The following SMO variants were observed in gnomAD, a reference collection of about 807,000 sequenced individuals.
SMO encodes protein smoothened.
In SMO, 40 loss-of-function variants were observed where a neutral mutation model predicts 81.6. The observed-to-expected ratio is 0.49, with a 90% CI of 0.38 to 0.64. The LOEUF is 0.64. Ranked by LOEUF, SMO falls within the 30% of genes least tolerant of loss-of-function variation. The probability of loss-of-function intolerance (pLI) is 0.00; values close to 1 mark genes in which losing one functional copy is unlikely to be tolerated. For missense variants in SMO, 916 were observed against 1,061.1 expected (o/e 0.86, Z 1.90); for synonymous variants, 434 against 432.1 (o/e 1.00, Z -0.05).
rs2150648912 is a variant in SMO at position 129,205,592 on chromosome 7, C to A, written c.748-18C>A. On this transcript the variant is annotated intron_variant, in intron 3 of 11. Coordinates refer to ENST00000249373, the MANE Select transcript of SMO (RefSeq NM_005631.5). ...GAATAACCCTAACCTCACAGAATGG[C>A]CCACTTCTCTCTTCTAGGCCACATT... 6.2e-7 allele frequency: 1 copy of A among 1,607,986 alleles called. No individual in the cohort carries two copies. Among genetic ancestry groups the A allele is most frequent in the Non-Finnish European group, 8.5e-7 (1 of 1,174,834 alleles).
Position 129,212,429 on chromosome 7 carries a change from T to G in SMO, c.2342T>G (p.Met781Arg). 6.2e-7 allele frequency: 1 copy of G among 1,612,080 alleles called. No homozygotes were observed. Among genetic ancestry groups the G allele is most frequent in the South Asian group, 1.1e-5 (1 of 91,062 alleles). The change falls in exon 12 of 12, where the codon ATG becomes AGG. Residue 781 changes from methionine to arginine, a missense_variant. Physicochemically the swap from Met to Arg is moderately conservative, Grantham distance 91 (BLOSUM62 -1). Transcript: ENST00000249373. This position sits in a 1 kb window ranked among gnomAD's most constrained non-coding sequence, Gnocchi z 5.0. ...ACCAACCTGATGGACACAGAACTCA[T>G]GGATGCAGACTCGGACTTCTGAGCC... The part of the protein sequence containing the change: ...SRTNLMDTEL[M>R]DADSDF
Position 129,188,646 on chromosome 7 carries a change from C to T in SMO, c.-506C>T, listed in dbSNP as rs1793432230. Among the ~76,000 whole-genome samples, 1 of 152,212 alleles carries T rather than the reference C, an allele frequency of 6.6e-6. No homozygotes were observed. The highest frequency in any genetic ancestry group is 2.4e-5 in the African/African-American group (1 of 41,560). ...CGAGGCCCGTGCATTCCAGAGAGCC[C>T]AGCGAGCTAGAGCAACAAAGGAGCC... On this transcript the variant is annotated 5_prime_UTR_variant, in exon 1 of 12. Transcript: ENST00000249373. The surrounding 1 kb of genome is among the most constrained non-coding windows in gnomAD (Gnocchi z 4.9).
At chr7:129,205,504 G>A (rs1793749459) in intron 3 of SMO, 92 bp downstream of exon 3, 3 of 1,526,470 alleles carry the variant, frequency 2.0e-6, no homozygotes, top group South Asian at 2.3e-5. Context: ...CTTGGTGGGG[G>A]TCCCCAGGGA....
chr7:129,190,079 G>C (rs1334504169), intron 1 of SMO, among the ~76,000 whole-genome samples: 3 of 152,148 alleles, frequency 2.0e-5, no homozygotes, highest in Non-Finnish European at 2.9e-5. Context: ...TGGCTTTCAC[G>C]GGAGATTTCA....
rs2150656152 is a variant in SMO, at chr7:129,211,981, C to T, written c.1937-43C>T. ...CCCAGGGGAGCGGGGGTGGCATGGA[C>T]AGAGCCAGGGCCCCAGGCTCGTGTT... On this transcript the variant is annotated intron_variant, in intron 11 of 11. Coordinates refer to ENST00000249373, the MANE Select transcript of SMO (RefSeq NM_005631.5). This position sits in a 1 kb window ranked among gnomAD's most constrained non-coding sequence, Gnocchi z 4.6. 6.5e-7 allele frequency: 1 copy of T among 1,532,674 alleles called. No homozygotes were observed. The highest frequency in any genetic ancestry group is 8.8e-7 in the Non-Finnish European group (1 of 1,142,770). The allele number at this position is 1,532,674 out of a possible 1,614,324, so 94.9% of individuals were successfully genotyped here.
chr7:129,208,610 C>T lies in SMO; in HGVS notation c.1265-149C>T, dbSNP rs1342667816. The T allele has an allele frequency of 6.7e-6, 4 of 599,550 alleles. No homozygotes were observed. Among genetic ancestry groups the T allele is most frequent in the Non-Finnish European group, 9.2e-6 (3 of 327,834 alleles). 37.1% of individuals were successfully genotyped at this position (599,550 alleles called of 1,614,324 possible). A position where few individuals can be genotyped will look rare whatever the true frequency, so the allele number is the denominator to read the frequency against. On this transcript the variant is annotated intron_variant, in intron 6 of 11. Transcript: ENST00000249373. The surrounding 1 kb of genome is among the most constrained non-coding windows in gnomAD (Gnocchi z 5.2). Reference sequence around the variant, plus strand: ...CTGCCCTGGTCTTCTCACCATTTCTCCAGTGTCTCTAGCTCCCCAGGTTTT... The same window carrying T: ...CTGCCCTGGTCTTCTCACCATTTCTTCAGTGTCTCTAGCTCCCCAGGTTTT...
chr7:129,212,367 T>C lies in SMO; in HGVS notation c.2280T>C (p.His760=), dbSNP rs1178835976. The C allele has an allele frequency of 1.2e-6, 2 of 1,614,048 alleles. No homozygotes were observed. Among genetic ancestry groups the C allele is most frequent in the Non-Finnish European group, 1.7e-6 (2 of 1,180,026 alleles). The change falls in exon 12 of 12, where the codon CAT becomes CAC. Residue 760 remains histidine, a synonymous_variant. Transcript: ENST00000249373. The surrounding 1 kb of genome is among the most constrained non-coding windows in gnomAD (Gnocchi z 5.0). ...CACCGGCCCCCGTGGCATGGGCTCA[T>C]GGCCGCCGACAGGGCCTGGGGCCTA... ...PSAPAPVAWA[H]GRRQGLGPIH...
At chr7:129,204,288 G>A (rs1584660653) in intron 2 of SMO, among the ~76,000 whole-genome samples, 1 of 152,012 alleles carries the variant, frequency 6.6e-6, no homozygotes, top group East Asian at 1.9e-4. Context: ...AGCTGAGATC[G>A]TGCCACTGAA....
intron 1 of SMO, among the ~76,000 whole-genome samples, chr7:129,202,685 T>C (rs1793689710): frequency 6.6e-6 from 1 of 152,088 alleles, no homozygotes; most frequent in Non-Finnish European, 1.5e-5. Flanking sequence ...AGTGCCTGGC[T>C]CCTCTGACTA....
In SMO at chr7:129,205,200, C is replaced by A; in HGVS notation, c.538-3C>A. On this transcript the variant is annotated splice_region_variant and splice_polypyrimidine_tract_variant and intron_variant, in intron 2 of 11. Transcript: ENST00000249373. ...CACCGTCTTTTCCCATCCCTGGTGC[C>A]AGAATGAGGTGCAGAACATCAAGTT... 1 of 1,613,884 alleles carries A rather than the reference C, an allele frequency of 6.2e-7. No individual in the cohort carries two copies. The highest frequency in any genetic ancestry group is 8.5e-7 in the Non-Finnish European group (1 of 1,179,786).
Position 129,203,244 on chromosome 7 carries a change from A to G in SMO, c.332-140A>G. ...ATAAAGAACTGTCCTGCCCAGATGC[A>G]CTGTTGAGAAACACTGTACCTGCCA... is the stretch of plus-strand genomic sequence containing the variant. On this transcript the variant is annotated intron_variant, in intron 1 of 11. Coordinates refer to ENST00000249373, the MANE Select transcript of SMO (RefSeq NM_005631.5). 4 of 648,226 alleles carry G rather than the reference A, an allele frequency of 6.2e-6. 1 individual carries two copies. In the South Asian group the frequency reaches 7.4e-5, roughly 12 times the overall value. 40.2% of individuals were successfully genotyped at this position (648,226 alleles called of 1,614,324 possible).
chr7:129,200,720 AC>A (rs1793655085), intron 1 of SMO, among the ~76,000 whole-genome samples: 1 of 151,886 alleles, frequency 6.6e-6, no homozygotes, highest in African/African-American at 2.4e-5. Context: ...GAGAAAAATT[AC>A]AGTTTTTTTT....
In SMO at chr7:129,210,606, C is replaced by G. The variant is rs2150654161; in HGVS notation, c.1652+58C>G. On this transcript the variant is annotated intron_variant, in intron 9 of 11. Transcript: ENST00000249373. The surrounding 1 kb of genome is among the most constrained non-coding windows in gnomAD (Gnocchi z 4.7). ...CCGCCTCACCCTCAGCCTTGGGACCCCATCTTTAGGTTTTGTCGGGTCCTG... is the reference window on the plus strand; with the variant it reads ...CCGCCTCACCCTCAGCCTTGGGACCGCATCTTTAGGTTTTGTCGGGTCCTG... The G allele has an allele frequency of 1.4e-6, 2 of 1,427,550 alleles. No homozygotes were observed. Among genetic ancestry groups the G allele is most frequent in the Non-Finnish European group, 2.0e-6 (2 of 1,018,230 alleles). The allele number at this position is 1,427,550 out of a possible 1,614,324, so 88.4% of individuals were successfully genotyped here. A position where few individuals can be genotyped will look rare whatever the true frequency, so the allele number is the denominator to read the frequency against.
rs1793763131 is a variant in SMO, at chr7:129,206,205, A to G, written c.976A>G (p.Met326Val). Residue 326 changes from methionine (M) to valine (V), a missense_variant, in exon 5 of 12, where the codon ATG (methionine) becomes GTG (valine). Physicochemically the swap from Met to Val is conservative, Grantham distance 21. Around this residue, in one of 4 missense-constraint regions of SMO, gnomAD observed 436 missense variants for 570.9 expected, o/e 0.76. Coordinates refer to ENST00000249373, the MANE Select transcript of SMO (RefSeq NM_005631.5). This position sits in a 1 kb window ranked among gnomAD's most constrained non-coding sequence, Gnocchi z 4.4. ...IIFVIVYYAL[M>V]AGVVWFVVLT... ...CTTTGTCATCGTGTACTACGCCCTG[A>G]TGGCTGGTGTGGTTTGGTTTGTGGT... The G allele has an allele frequency of 1.2e-6, 2 of 1,613,916 alleles. No homozygotes were observed. Among genetic ancestry groups the G allele is most frequent in the Non-Finnish European group, 1.7e-6 (2 of 1,179,888 alleles).
chr7:129,210,270 A>C lies in SMO; in HGVS notation c.1467-93A>C. The C allele has an allele frequency of 1.8e-6, 2 of 1,089,756 alleles. No homozygotes were observed. The highest frequency in any genetic ancestry group is 2.8e-6 in the Non-Finnish European group (2 of 724,688). 67.5% of individuals were successfully genotyped at this position (1,089,756 alleles called of 1,614,324 possible). On this transcript the variant is annotated intron_variant, in intron 8 of 11. Transcript: ENST00000249373. This position sits in a 1 kb window ranked among gnomAD's most constrained non-coding sequence, Gnocchi z 4.7. Reference sequence around the variant, plus strand: ...CAGTGGGTTGTGATCACGCCACCGCACTCTAGCCTGGGTGACAGAGCAAGA... The same window carrying C: ...CAGTGGGTTGTGATCACGCCACCGCCCTCTAGCCTGGGTGACAGAGCAAGA...
intron 1 of SMO, among the ~76,000 whole-genome samples, chr7:129,199,207 A>T (rs1793627819): frequency 7.9e-6 from 1 of 126,686 alleles, no homozygotes. Flanking sequence ...TTTGAGATAG[A>T]GTTTTGTTCT....
chr7:129,204,072 C>T (rs955386767), intron 2 of SMO, among the ~76,000 whole-genome samples: 1 of 152,240 alleles, frequency 6.6e-6, no homozygotes, highest in East Asian at 1.9e-4. Context: ...TAAGCTCATG[C>T]CTGTAATCCC....
In SMO at chr7:129,211,349, C is replaced by T. The variant is rs1399094952; in HGVS notation, c.1801+236C>T. 6 of 708,964 alleles carry T rather than the reference C, an allele frequency of 8.5e-6. No homozygotes were observed. The highest frequency in any genetic ancestry group is 1.7e-5 in the African/African-American group (1 of 57,510). The allele number at this position is 708,964 out of a possible 1,614,324, so 43.9% of individuals were successfully genotyped here. ...TGCCGGTGCTTGGGTTCCAAGAAGACTCCCCTCCCTCTCCCTTCTCATAAA... is the reference window on the plus strand; with the variant it reads ...TGCCGGTGCTTGGGTTCCAAGAAGATTCCCCTCCCTCTCCCTTCTCATAAA... On this transcript the variant is annotated intron_variant, in intron 10 of 11. Transcript: ENST00000249373. The surrounding 1 kb of genome is among the most constrained non-coding windows in gnomAD (Gnocchi z 4.6).
intron 4 of SMO, 89 bp downstream of exon 4, chr7:129,205,871 C>T (rs1027401411): frequency 1.9e-5 from 24 of 1,231,012 alleles, no homozygotes; most frequent in Middle Eastern, 2.6e-4. Context: ...CGTGTAAAAC[C>T]GAGATCCAGG....
Sources: allele counts gnomAD v4.1 joint callset (sites outside exome capture counted in the v4.1 genomes callset), GRCh38; gene constraint gnomAD v4.1.1; regional missense constraint gnomAD v4.1.1; non-coding constraint Gnocchi (gnomAD v3.1); transcripts MANE v1.5; gene names NCBI Gene and HGNC (gene_info 2026-07-23, HGNC 2026-07-21).